LSAMP: variants seen among roughly 807,000 people sequenced by gnomAD.
The protein encoded by LSAMP is limbic system-associated membrane protein.
LSAMP carries 7 observed loss-of-function variants against 38.6 expected under a neutral mutation model. The ratio of observed to expected loss-of-function variants is 0.18; its 90% confidence interval spans 0.10 to 0.34. The LOEUF is 0.34. LSAMP is among the 10% of genes least tolerant of loss of function. LSAMP has a pLI of 1.00. For missense variants in LSAMP, 313 were observed against 420.0 expected (o/e 0.75, Z 2.23); for synonymous variants, 154 against 166.8 (o/e 0.92, Z 0.59).
At chr3:116,342,751 A>G (rs1212146164) in intron 1 of LSAMP, among the ~76,000 whole-genome samples, 1 of 152,116 alleles carries the variant, frequency 6.6e-6, no homozygotes, top group Non-Finnish European at 1.5e-5. Context: ...GACATGCTTT[A>G]TGACATAGGA....
At chr3:116,030,838 C>G (rs552074856) in intron 2 of LSAMP, among the ~76,000 whole-genome samples, 15 of 152,214 alleles carry the variant, frequency 9.9e-5, no homozygotes, top group African/African-American at 3.4e-4. Flanking sequence ...ATTCTTAGAG[C>G]AGATGAAAAT....
At chr3:116,152,556 C>T (rs1709636703) in intron 1 of LSAMP, among the ~76,000 whole-genome samples, 2 of 152,076 alleles carry the variant, frequency 1.3e-5, no homozygotes, top group African/African-American at 2.4e-5. Context: ...CATTTGTTCT[C>T]TCCACTTAGG....
chr3:115,893,875 T>G (rs752788827), intron 3 of LSAMP, among the ~76,000 whole-genome samples: 1 of 151,968 alleles, frequency 6.6e-6, no homozygotes, highest in East Asian at 1.9e-4. Flanking sequence ...AGAATCGAGA[T>G]AGATGACCGT....
intron 3 of LSAMP, among the ~76,000 whole-genome samples, chr3:116,017,540 T>TA (rs762663945): frequency 6.1e-4 from 93 of 152,238 alleles, no homozygotes; most frequent in Middle Eastern, 3.4e-3. Context: ...CTTGATCCCA[T>TA]AAACTTCTAC....
chr3:116,206,463 G>A (rs4494923), intron 1 of LSAMP, among the ~76,000 whole-genome samples: 4 of 132,156 alleles, frequency 3.0e-5, no homozygotes, highest in Admixed American at 8.1e-5. Context: ...ATGTGTTTGC[G>A]CTTGCTTTTC....
chr3:116,395,631 T>C (rs552321774), intron 1 of LSAMP, among the ~76,000 whole-genome samples: 3 of 152,296 alleles, frequency 2.0e-5, no homozygotes, highest in East Asian at 3.9e-4. Context: ...GCACCCAGTA[T>C]TATCTCTAGA....
chr3:115,989,379 T>A (rs1939603345), intron 3 of LSAMP, among the ~76,000 whole-genome samples: 1 of 152,238 alleles, frequency 6.6e-6, no homozygotes, highest in South Asian at 2.1e-4. Context: ...AGTACTTTAT[T>A]TTTTACTAAT....
At chr3:115,939,589 A>C (rs1299978284) in intron 3 of LSAMP, among the ~76,000 whole-genome samples, 2 of 20,114 alleles carry the variant, frequency 9.9e-5, no homozygotes, top group East Asian at 1.8e-3. Context: ...TCTTTCTGTT[A>C]AGAGACAGGC....
chr3:115,852,421 G>A, intron 4 of LSAMP, 62 bp downstream of exon 4: 1 of 1,526,454 alleles, frequency 6.6e-7, no homozygotes, highest in Non-Finnish European at 8.8e-7. Flanking sequence ...AATCTTTAGA[G>A]CTCACTGGAG....
At chr3:116,140,433 T>C (rs1245307455) in intron 1 of LSAMP, among the ~76,000 whole-genome samples, 1 of 151,988 alleles carries the variant, frequency 6.6e-6, no homozygotes, top group Non-Finnish European at 1.5e-5. Flanking sequence ...ATTTTCATGA[T>C]TACAATTATT....
chr3:116,171,031 G>C (rs1710185071), intron 1 of LSAMP, among the ~76,000 whole-genome samples: 1 of 152,080 alleles, frequency 6.6e-6, no homozygotes, highest in African/African-American at 2.4e-5. Context: ...ATGAAAACTG[G>C]AATAAGATGA....
At chr3:115,830,414 G>T (rs1934570583) in intron 6 of LSAMP, among the ~76,000 whole-genome samples, 1 of 152,178 alleles carries the variant, frequency 6.6e-6, no homozygotes, top group African/African-American at 2.4e-5. Context: ...ATACACAAGG[G>T]TGATTATTAA....
chr3:116,404,085 C>G (rs1359035915), intron 1 of LSAMP, among the ~76,000 whole-genome samples: 6 of 151,548 alleles, frequency 4.0e-5, no homozygotes, highest in Non-Finnish European at 5.9e-5. Context: ...GTATTTTTCC[C>G]CTAAAGTTTT....
At chr3:116,308,230 C>T (rs2047510170) in intron 1 of LSAMP, among the ~76,000 whole-genome samples, 1 of 151,920 alleles carries the variant, frequency 6.6e-6, no homozygotes, top group Non-Finnish European at 1.5e-5. Context: ...GGACAAGCTC[C>T]CTCTAGACAA....
chr3:115,838,429 G>T lies in LSAMP; in HGVS notation c.919+3416C>A, dbSNP rs1327690181. On this transcript the variant is annotated intron_variant, in intron 6 of 6. Transcript: ENST00000490035. ...GTTACTTATGCAGATGGTGGAACTT[G>T]TCTTGGTATCACTCGAAGTCCAAGT... Among the ~76,000 whole-genome samples, 3 of 152,208 alleles carry T rather than the reference G, an allele frequency of 2.0e-5. 1 individual carries two copies. Among genetic ancestry groups the T allele is most frequent in the East Asian group, 3.9e-4 (2 of 5,192 alleles).
At chr3:115,941,291 A>G (rs1356907384) in intron 3 of LSAMP, among the ~76,000 whole-genome samples, 2 of 152,164 alleles carry the variant, frequency 1.3e-5, no homozygotes, top group African/African-American at 4.8e-5. Context: ...AAGTGTGGAA[A>G]AGGGTTTGGA....
At chr3:116,089,939 C>T (rs1459604626) in intron 1 of LSAMP, among the ~76,000 whole-genome samples, 2 of 151,838 alleles carry the variant, frequency 1.3e-5, no homozygotes, top group Non-Finnish European at 2.9e-5. Flanking sequence ...CTAAAACTTT[C>T]TTAATAAAAA....
intron 3 of LSAMP, among the ~76,000 whole-genome samples, chr3:115,953,162 G>A (rs1361886352): frequency 2.0e-5 from 3 of 152,080 alleles, no homozygotes; most frequent in Non-Finnish European, 4.4e-5. Context: ...CATCTCAGAT[G>A]TCCTCATCTA....
rs1382393249 is a variant in LSAMP at position 115,802,811 on chromosome 3, A to C, written c.*7506T>G. 6.6e-6 allele frequency: 1 copy of C among 152,128 alleles called. No individual in the cohort carries two copies. The highest frequency in any genetic ancestry group is 1.5e-5 in the Non-Finnish European group (1 of 68,028). 9.4% of individuals were successfully genotyped at this position (152,128 alleles called of 1,614,324 possible). A position where few individuals can be genotyped will look rare whatever the true frequency, so the allele number is the denominator to read the frequency against. On this transcript the variant is annotated 3_prime_UTR_variant, in exon 7 of 7. Transcript: ENST00000490035. ...ACCCTTCAGTAGAGCAGTGATAAGG[A>C]AGGTGGGGAGCATTGGGAGATGGGG...
Sources: allele counts gnomAD v4.1 joint callset (sites outside exome capture counted in the v4.1 genomes callset), GRCh38; gene constraint gnomAD v4.1.1; transcripts MANE v1.5; gene names NCBI Gene and HGNC (gene_info 2026-07-23, HGNC 2026-07-21).